Variants in CTNND2 observed in about 807,000 individuals in gnomAD.
CTNND2 encodes the protein catenin delta-2.
CTNND2 carries 22 observed loss-of-function variants against 144.4 expected under a neutral mutation model. The observed-to-expected ratio is 0.15, with a 90% CI of 0.11 to 0.22. CTNND2 has a LOEUF of 0.22. Among genes scored for constraint, CTNND2 ranks in the 10% least tolerant of loss-of-function variants. The pLI is 1.00. For synonymous variants in CTNND2, 751 were observed against 695.6 expected (o/e 1.08, Z -1.25); for missense variants, 1,353 against 1,618.8 (o/e 0.84, Z 2.82).
intron 1 of CTNND2, among the ~76,000 whole-genome samples, chr5:11,775,797 C>T (rs926125180): frequency 1.3e-5 from 2 of 152,260 alleles, no homozygotes; most frequent in Non-Finnish European, 2.9e-5. Context: ...TGAATGTGAC[C>T]TTATTTGTAA....
At chr5:11,828,991 A>T (rs1029737668) in intron 1 of CTNND2, among the ~76,000 whole-genome samples, 13 of 152,134 alleles carry the variant, frequency 8.5e-5, no homozygotes, top group African/African-American at 2.9e-4. Context: ...AGCAAAGGTG[A>T]CACTTGTTAT....
chr5:11,729,123 C>CT (rs1486048596), intron 2 of CTNND2, among the ~76,000 whole-genome samples: 1 of 151,852 alleles, frequency 6.6e-6, no homozygotes, highest in Non-Finnish European at 1.5e-5. Context: ...ACTTGGGCAC[C>CT]TGGGGCTTCT....
chr5:11,765,421 G>A (rs1789526508), intron 1 of CTNND2, among the ~76,000 whole-genome samples: 1 of 152,256 alleles, frequency 6.6e-6, no homozygotes, highest in Non-Finnish European at 1.5e-5. Flanking sequence ...CAGAGAAGGG[G>A]AGCAAAGACC....
At chr5:11,156,348 T>A (rs1758222592) in intron 12 of CTNND2, among the ~76,000 whole-genome samples, 1 of 152,102 alleles carries the variant, frequency 6.6e-6, no homozygotes, top group Non-Finnish European at 1.5e-5. Context: ...CACCCTGAAA[T>A]CACATAAACA....
intron 1 of CTNND2, among the ~76,000 whole-genome samples, chr5:11,873,154 A>C (rs1313092478): frequency 6.6e-6 from 1 of 152,234 alleles, no homozygotes; most frequent in Non-Finnish European, 1.5e-5. Flanking sequence ...TTGGAGACAC[A>C]GGGATTCAAT....
intron 14 of CTNND2, among the ~76,000 whole-genome samples, chr5:11,103,360 C>G (rs1004640269): frequency 2.6e-5 from 4 of 151,946 alleles, no homozygotes; most frequent in Non-Finnish European, 5.9e-5. Flanking sequence ...AAGAGAAAGA[C>G]GTAACTTAGG....
intron 6 of CTNND2, among the ~76,000 whole-genome samples, chr5:11,386,810 TG>T (rs1759131263): frequency 6.6e-6 from 1 of 152,152 alleles, no homozygotes; most frequent in African/African-American, 2.4e-5. Context: ...ATTTGTGGAA[TG>T]GTTCCTCAAG....
chr5:11,355,289 A>C (rs1755744841), intron 8 of CTNND2, among the ~76,000 whole-genome samples: 1 of 152,168 alleles, frequency 6.6e-6, no homozygotes, highest in Admixed American at 6.5e-5. Context: ...GAAATGCAAC[A>C]GCACATTAAA....
chr5:11,539,939 CAGG>C (rs1774577299), intron 3 of CTNND2, among the ~76,000 whole-genome samples: 3 of 152,150 alleles, frequency 2.0e-5, no homozygotes, highest in Admixed American at 2.0e-4. Context: ...GAGGCTGAGG[CAGG>C]AGAATTGCTT....
chr5:11,649,765 ATAT>A (rs1782551662), intron 2 of CTNND2, among the ~76,000 whole-genome samples: 1 of 152,202 alleles, frequency 6.6e-6, no homozygotes, highest in Non-Finnish European at 1.5e-5. Flanking sequence ...TTAAGGTTTT[ATAT>A]TATTAATATA....
intron 10 of CTNND2, among the ~76,000 whole-genome samples, chr5:11,227,757 G>T (rs982457959): frequency 2.6e-5 from 4 of 152,108 alleles, no homozygotes; most frequent in African/African-American, 7.2e-5. Context: ...CATACTTAAA[G>T]GTAATCTGAA....
chr5:11,572,204 T>C (rs1157605448), intron 2 of CTNND2, among the ~76,000 whole-genome samples: 1 of 152,166 alleles, frequency 6.6e-6, no homozygotes, highest in African/African-American at 2.4e-5. Flanking sequence ...ACCCCTGAGC[T>C]GGAATATTCT....
At chr5:11,585,827 T>TA (rs1778816999) in intron 2 of CTNND2, among the ~76,000 whole-genome samples, 1 of 152,078 alleles carries the variant, frequency 6.6e-6, no homozygotes, top group African/African-American at 2.4e-5. Flanking sequence ...GAGGCGTGTG[T>TA]ATACCTGGGC....
At chr5:11,434,289 G>GAAACA (rs929048526) in intron 3 of CTNND2, among the ~76,000 whole-genome samples, 3 of 152,130 alleles carry the variant, frequency 2.0e-5, no homozygotes, top group Non-Finnish European at 4.4e-5. Flanking sequence ...TCCATGGTAG[G>GAAACA]AAACAAAACA....
At chr5:11,006,695 G>T (rs1740519712) in intron 18 of CTNND2, among the ~76,000 whole-genome samples, 1 of 152,186 alleles carries the variant, frequency 6.6e-6, no homozygotes, top group Non-Finnish European at 1.5e-5. Context: ...ACAACAGAAT[G>T]TAAGAAAGGC....
At chr5:11,273,400 G>A (rs960312237) in intron 9 of CTNND2, among the ~76,000 whole-genome samples, 1 of 152,188 alleles carries the variant, frequency 6.6e-6, no homozygotes, top group Non-Finnish European at 1.5e-5. Flanking sequence ...CCTTCAGTGA[G>A]CCAGATGCAA....
intron 16 of CTNND2, among the ~76,000 whole-genome samples, chr5:11,067,235 A>C (rs755712314): frequency 6.6e-6 from 1 of 152,258 alleles, no homozygotes; most frequent in African/African-American, 2.4e-5. Flanking sequence ...ATAGTGTTTA[A>C]GAAGTGATAC....
chr5:11,202,794 TTTTTTCTTTTTC>T (rs910001959), intron 10 of CTNND2, among the ~76,000 whole-genome samples: 1 of 152,056 alleles, frequency 6.6e-6, no homozygotes, highest in African/African-American at 2.4e-5. Context: ...CCAATTTCTT[TTTTTTCTTTTTC>T]TTTTTCTTTT....
intron 11 of CTNND2, among the ~76,000 whole-genome samples, chr5:11,182,646 T>C (rs1389593435): frequency 6.6e-6 from 1 of 152,092 alleles, no homozygotes; most frequent in African/African-American, 2.4e-5. Context: ...TGGGTAATAC[T>C]ATCTTTGTAT....
Sources: allele counts gnomAD v4.1 joint callset (sites outside exome capture counted in the v4.1 genomes callset), GRCh38; gene constraint gnomAD v4.1.1; transcripts MANE v1.5; gene names NCBI Gene and HGNC (gene_info 2026-07-23, HGNC 2026-07-21).